The following XKR4 variants were observed in gnomAD, a reference collection of about 807,000 sequenced individuals.
The protein encoded by XKR4 is XK-related protein 4.
A neutral mutation model predicts 53.9 loss-of-function variants in XKR4; 12 were observed. The observed-to-expected ratio is 0.22, with a 90% CI of 0.14 to 0.36. XKR4 has a LOEUF of 0.36. Among genes scored for constraint, XKR4 ranks in the 10% least tolerant of loss-of-function variants. The pLI is 1.00. For synonymous variants in XKR4, 354 were observed against 362.4 expected (o/e 0.98, Z 0.26); for missense variants, 799 against 859.5 (o/e 0.93, Z 0.88).
chr8:55,133,001 A>G (rs888523140), intron 1 of XKR4, among the ~76,000 whole-genome samples: 7 of 152,166 alleles, frequency 4.6e-5, no homozygotes, highest in Admixed American at 3.3e-4. Flanking sequence ...ACAAGTGACT[A>G]TGTGACCAGG....
At chr8:55,473,002 C>T (rs1054031061) in intron 2 of XKR4, among the ~76,000 whole-genome samples, 1 of 152,042 alleles carries the variant, frequency 6.6e-6, no homozygotes, top group Admixed American at 6.5e-5. Context: ...TACGATTACC[C>T]CACCCACTAA....
chr8:55,519,020 T>C (rs1381866727), intron 2 of XKR4, among the ~76,000 whole-genome samples: 1 of 152,142 alleles, frequency 6.6e-6, no homozygotes, highest in Non-Finnish European at 1.5e-5. Context: ...AAAGGCAGGT[T>C]AACTGTTAGC....
chr8:55,457,324 A>G (rs1466639977), intron 2 of XKR4, among the ~76,000 whole-genome samples: 1 of 151,904 alleles, frequency 6.6e-6, no homozygotes, highest in Non-Finnish European at 1.5e-5. Context: ...TTGTATTTTT[A>G]GTAGAGATGG....
chr8:55,295,760 T>C (rs2093316642), intron 1 of XKR4, among the ~76,000 whole-genome samples: 1 of 152,206 alleles, frequency 6.6e-6, no homozygotes, highest in Admixed American at 6.6e-5. Context: ...GATAATAAAA[T>C]TGCTCAATAG....
intron 1 of XKR4, among the ~76,000 whole-genome samples, chr8:55,266,804 C>T (rs1337593805): frequency 1.3e-5 from 2 of 152,094 alleles, no homozygotes; most frequent in East Asian, 3.9e-4. Context: ...TTAAAGAGAC[C>T]CCTCCTCTGA....
chr8:55,398,986 T>G (rs1804560944), intron 2 of XKR4, among the ~76,000 whole-genome samples: 1 of 152,190 alleles, frequency 6.6e-6, no homozygotes, highest in South Asian at 2.1e-4. Flanking sequence ...TATTTCAAAT[T>G]CAAAAGTTTA....
intron 1 of XKR4, among the ~76,000 whole-genome samples, chr8:55,150,531 C>T (rs986132632): frequency 5.3e-5 from 8 of 152,180 alleles, no homozygotes; most frequent in African/African-American, 1.9e-4. Flanking sequence ...TCATAACTCT[C>T]CCATTCCTCA....
chr8:55,355,440 A>G (rs1408863750), intron 1 of XKR4, among the ~76,000 whole-genome samples: 4 of 152,224 alleles, frequency 2.6e-5, no homozygotes, highest in Non-Finnish European at 4.4e-5. Context: ...AATGGATTAG[A>G]AAAAATACTG....
intron 1 of XKR4, among the ~76,000 whole-genome samples, chr8:55,299,719 C>T (rs908195500): frequency 6.6e-6 from 1 of 152,114 alleles, no homozygotes; most frequent in Non-Finnish European, 1.5e-5. Flanking sequence ...GCCAGGGTGA[C>T]AGCTGGAATT....
chr8:55,509,879 C>T (rs1806600361), intron 2 of XKR4, among the ~76,000 whole-genome samples: 1 of 152,208 alleles, frequency 6.6e-6, no homozygotes, highest in Non-Finnish European at 1.5e-5. Flanking sequence ...TCATAGTGCT[C>T]CTGGTTAACC....
chr8:55,422,134 G>T (rs1447707756), intron 2 of XKR4, among the ~76,000 whole-genome samples: 1 of 151,982 alleles, frequency 6.6e-6, no homozygotes, highest in African/African-American at 2.4e-5. Flanking sequence ...CATAACATTG[G>T]GACTTTTTCA....
chr8:55,326,140 G>C (rs1231955450), intron 1 of XKR4, among the ~76,000 whole-genome samples: 1 of 152,160 alleles, frequency 6.6e-6, no homozygotes, highest in Non-Finnish European at 1.5e-5. Flanking sequence ...TATTTTGGAA[G>C]ATAAATACAG....
chr8:55,378,768 T>C (rs1422037004), intron 2 of XKR4, among the ~76,000 whole-genome samples: 1 of 152,182 alleles, frequency 6.6e-6, no homozygotes, highest in Non-Finnish European at 1.5e-5. Context: ...TATGATTCTC[T>C]AGCTAAGGGA....
intron 1 of XKR4, among the ~76,000 whole-genome samples, chr8:55,132,204 T>TATGC (rs1816565463): frequency 6.6e-6 from 1 of 152,234 alleles, no homozygotes; most frequent in Non-Finnish European, 1.5e-5. Flanking sequence ...TCACAGTCAC[T>TATGC]ACAGAATATG....
At chr8:55,186,239 T>A (rs1817375055) in intron 1 of XKR4, among the ~76,000 whole-genome samples, 1 of 152,192 alleles carries the variant, frequency 6.6e-6, no homozygotes, top group African/African-American at 2.4e-5. Context: ...TAGTTTAGAT[T>A]TAAAAGGTCT....
intron 1 of XKR4, among the ~76,000 whole-genome samples, chr8:55,133,335 C>G (rs1037454385): frequency 6.6e-6 from 1 of 152,228 alleles, no homozygotes; most frequent in East Asian, 1.9e-4. Context: ...TGCATCTCAT[C>G]TTGCACAGGA....
chr8:55,390,154 G>A (rs934035309), intron 2 of XKR4, among the ~76,000 whole-genome samples: 8 of 152,280 alleles, frequency 5.3e-5, no homozygotes, highest in South Asian at 2.1e-4. Flanking sequence ...GGAGGCTTCT[G>A]GCTAAGGTTT....
chr8:55,466,556 A>C (rs1017453362), intron 2 of XKR4, among the ~76,000 whole-genome samples: 4 of 152,110 alleles, frequency 2.6e-5, no homozygotes, highest in Non-Finnish European at 5.9e-5. Context: ...TAATGAGTGC[A>C]GCACACCAAC....
chr8:55,373,817 T>A (rs890529210), intron 2 of XKR4, among the ~76,000 whole-genome samples: 8 of 152,242 alleles, frequency 5.3e-5, no homozygotes, highest in Non-Finnish European at 7.3e-5. Flanking sequence ...AGTTTTATTT[T>A]TTTTTTTAAT....
Sources: gnomAD v4.1 joint callset for allele counts (sites outside exome capture counted in the v4.1 genomes callset) on GRCh38, gnomAD v4.1.1 for gene constraint, MANE v1.5 for transcripts, NCBI Gene and HGNC (gene_info 2026-07-23, HGNC 2026-07-21) for gene names.